Variants in PTPRD observed in about 807,000 individuals in gnomAD.
PTPRD encodes the protein receptor-type tyrosine-protein phosphatase delta.
PTPRD carries 34 observed loss-of-function variants against 214.5 expected under a neutral mutation model. The ratio of observed to expected loss-of-function variants is 0.16; its 90% CI spans 0.12 to 0.21. The LOEUF is 0.21. Ranked by LOEUF, PTPRD falls within the 10% of genes least tolerant of loss-of-function variation. The pLI is 1.00. For synonymous variants in PTPRD, 1,128 were observed against 845.7 expected, an observed-to-expected ratio of 1.33 and a Z score of -5.79; for missense variants, 2,545 against 2,398.7, an observed-to-expected ratio of 1.06 and a Z score of -1.27.
chr9:10,169,196 C>T (rs1412303740), intron 3 of PTPRD, among the ~76,000 whole-genome samples: 1 of 152,044 alleles, frequency 6.6e-6, no homozygotes, highest in Non-Finnish European at 1.5e-5. Context: ...AAAAGCAGGC[C>T]GGGCGCGGTG....
chr9:9,322,051 C>G (rs1295808848), intron 9 of PTPRD, among the ~76,000 whole-genome samples: 1 of 152,134 alleles, frequency 6.6e-6, no homozygotes, highest in Non-Finnish European at 1.5e-5. Flanking sequence ...GTTCTGATTT[C>G]TCAAGGCCTG....
chr9:9,801,293 A>C (rs1162926347), intron 5 of PTPRD, among the ~76,000 whole-genome samples: 1 of 151,810 alleles, frequency 6.6e-6, no homozygotes, highest in Non-Finnish European at 1.5e-5. Context: ...AAGCTGACCC[A>C]CTTTTCTCTA....
intron 3 of PTPRD, among the ~76,000 whole-genome samples, chr9:10,074,866 T>C (rs2154183211): frequency 6.6e-6 from 1 of 152,278 alleles, no homozygotes; most frequent in South Asian, 2.1e-4. Flanking sequence ...AGGCCTCTAG[T>C]AATGATGGAA....
intron 39 of PTPRD, among the ~76,000 whole-genome samples, chr9:8,347,612 C>T (rs1161532232): frequency 6.6e-6 from 1 of 152,098 alleles, no homozygotes; most frequent in African/African-American, 2.4e-5. Flanking sequence ...TGTTTTTCTT[C>T]TCAAAATTCA....
At chr9:9,289,473 T>A (rs1354396962) in intron 9 of PTPRD, among the ~76,000 whole-genome samples, 3 of 151,840 alleles carry the variant, frequency 2.0e-5, no homozygotes, top group Non-Finnish European at 4.4e-5. Flanking sequence ...TACCCACAGT[T>A]ACTATTTGCA....
intron 14 of PTPRD, among the ~76,000 whole-genome samples, chr9:8,608,047 C>T (rs533206158): frequency 6.6e-6 from 1 of 152,224 alleles, no homozygotes; most frequent in Non-Finnish European, 1.5e-5. Context: ...CATTCTAATC[C>T]GATAACCCAG....
chr9:9,078,816 T>C (rs1591207887), intron 10 of PTPRD, among the ~76,000 whole-genome samples: 1 of 152,182 alleles, frequency 6.6e-6, no homozygotes, highest in African/African-American at 2.4e-5. Context: ...GGCAGTGGGA[T>C]GGGACTTTAT....
At chr9:9,968,279 G>A (rs2094845123) in intron 4 of PTPRD, among the ~76,000 whole-genome samples, 1 of 152,104 alleles carries the variant, frequency 6.6e-6, no homozygotes, top group African/African-American at 2.4e-5. Flanking sequence ...GAGCTGATTT[G>A]ACTAAAAGTG....
chr9:9,502,695 C>A (rs2154228669), intron 8 of PTPRD, among the ~76,000 whole-genome samples: 2 of 151,898 alleles, frequency 1.3e-5, no homozygotes, highest in South Asian at 4.2e-4. Flanking sequence ...AGATTTTCAA[C>A]TGCAGAATGA....
At chr9:8,566,109 T>A (rs1228611205) in intron 14 of PTPRD, among the ~76,000 whole-genome samples, 1 of 105,538 alleles carries the variant, frequency 9.5e-6, no homozygotes, top group Admixed American at 9.2e-5. Context: ...TATGTGTGTG[T>A]GTGTGTGTGT....
intron 8 of PTPRD, among the ~76,000 whole-genome samples, chr9:9,542,001 G>C (rs2084983679): frequency 6.6e-6 from 1 of 151,668 alleles, no homozygotes; most frequent in African/African-American, 2.4e-5. Flanking sequence ...GATAAGAGGA[G>C]AGGTCAACAA....
chr9:9,111,216 A>G (rs2099805537), intron 10 of PTPRD, among the ~76,000 whole-genome samples: 1 of 151,830 alleles, frequency 6.6e-6, no homozygotes, highest in Non-Finnish European at 1.5e-5. Context: ...TAAAGAAAAA[A>G]AAAAAAAAGA....
At chr9:9,459,594 G>A (rs1010562441) in intron 8 of PTPRD, among the ~76,000 whole-genome samples, 1 of 151,784 alleles carries the variant, frequency 6.6e-6, no homozygotes, top group African/African-American at 2.4e-5. Context: ...TAACTCAATC[G>A]CATTTAAAAC....
At chr9:9,320,594 T>A (rs1256745350) in intron 9 of PTPRD, among the ~76,000 whole-genome samples, 1 of 152,110 alleles carries the variant, frequency 6.6e-6, no homozygotes, top group East Asian at 1.9e-4. Flanking sequence ...ACCCTTCCCA[T>A]CCTTCGTCTA....
intron 8 of PTPRD, among the ~76,000 whole-genome samples, chr9:9,456,579 T>G (rs1295630368): frequency 6.6e-6 from 1 of 151,880 alleles, no homozygotes; most frequent in Non-Finnish European, 1.5e-5. Flanking sequence ...TCAAGGTCTC[T>G]CTCAGGTCAC....
chr9:8,766,143 A>C (rs533432640), intron 11 of PTPRD, among the ~76,000 whole-genome samples: 42 of 151,558 alleles, frequency 2.8e-4, no homozygotes, highest in Admixed American at 2.6e-3. Context: ...GCAGGTCCTC[A>C]GGTAACATCA....
intron 11 of PTPRD, among the ~76,000 whole-genome samples, chr9:9,005,756 T>A (rs189400849): frequency 1.3e-5 from 2 of 152,170 alleles, no homozygotes; most frequent in Non-Finnish European, 2.9e-5. Context: ...AAATGAGAGA[T>A]CCTTTTTCTT....
chr9:9,612,969 T>C (rs1350134552), intron 7 of PTPRD, among the ~76,000 whole-genome samples: 1 of 151,452 alleles, frequency 6.6e-6, no homozygotes, highest in Non-Finnish European at 1.5e-5. Context: ...AGACCGGTGG[T>C]TCTCAAACTT....
chr9:9,823,771 A>T (rs72710165), intron 5 of PTPRD, among the ~76,000 whole-genome samples: 14 of 152,186 alleles, frequency 9.2e-5, no homozygotes, highest in Non-Finnish European at 1.6e-4. Context: ...AAATACAGTC[A>T]GATAGAAGAA....
Sources: gnomAD v4.1 joint callset for allele counts (sites outside exome capture counted in the v4.1 genomes callset) on GRCh38, gnomAD v4.1.1 for gene constraint, MANE v1.5 for transcripts, NCBI Gene and HGNC (gene_info 2026-07-23, HGNC 2026-07-21) for gene names.